The following CLDN10 variants were observed in gnomAD, a reference collection of about 807,000 sequenced individuals.
The protein encoded by CLDN10 is claudin 10, also known as claudin-10.
CLDN10 carries 15 observed loss-of-function variants against 22.9 expected under a neutral mutation model. The ratio of observed to expected loss-of-function variants is 0.65; its 90% CI spans 0.44 to 1.01. The LOEUF (loss-of-function observed/expected upper bound fraction) is 1.01. Ranked by LOEUF, CLDN10 falls within the 50% of genes least tolerant of loss-of-function variation. The pLI, the probability that CLDN10 is intolerant of heterozygous loss-of-function variation, is 0.00. For synonymous variants in CLDN10, 114 were observed against 111.4 expected (o/e 1.02, Z -0.15); for missense variants, 247 against 287.8 (o/e 0.86, Z 1.03).
chr13:95,477,882 G>A (rs549559069), intron 1 of CLDN10, among the ~76,000 whole-genome samples: 10 of 152,296 alleles, frequency 6.6e-5, no homozygotes, highest in East Asian at 3.9e-4. Flanking sequence ...CGTGTGGTTC[G>A]TTAGGGAGGC....
intron 3 of CLDN10, among the ~76,000 whole-genome samples, chr13:95,563,093 C>CCCCTCTCTCTCT (rs1319576476): frequency 1.3e-5 from 1 of 74,404 alleles, no homozygotes; most frequent in Non-Finnish European, 3.4e-5. Flanking sequence ...CTCTGCCTAC[C>CCCCTCTCTCTCT]CACTCTCTCT....
chr13:95,434,042 T>C (rs1461876248), exon 1 of CLDN10: 2 of 1,613,530 alleles, frequency 1.2e-6, no homozygotes, highest in Admixed American at 3.3e-5. Context: ...ATCTTCAAAG[T>C]AGCAGGTAAA....
At chr13:95,515,125 C>A (rs1294448303) in intron 1 of CLDN10, among the ~76,000 whole-genome samples, 1 of 152,168 alleles carries the variant, frequency 6.6e-6, no homozygotes, top group Non-Finnish European at 1.5e-5. Context: ...CCTATCTTAG[C>A]CTCCTGAGGA....
At chr13:95,481,477 G>A (rs1043203793) in intron 1 of CLDN10, among the ~76,000 whole-genome samples, 1 of 152,190 alleles carries the variant, frequency 6.6e-6, no homozygotes, top group Non-Finnish European at 1.5e-5. Flanking sequence ...ACCACAGAAT[G>A]AAGCAGCAAA....
At chr13:95,514,028 C>A (rs1247841929) in intron 1 of CLDN10, among the ~76,000 whole-genome samples, 1 of 152,030 alleles carries the variant, frequency 6.6e-6, no homozygotes, top group Non-Finnish European at 1.5e-5. Flanking sequence ...GAGGCCAAGA[C>A]GGGAGGATGG....
intron 1 of CLDN10, among the ~76,000 whole-genome samples, chr13:95,448,074 GA>G (rs1220291419): frequency 2.6e-5 from 4 of 152,106 alleles, no homozygotes; most frequent in Admixed American, 2.6e-4. Context: ...CCAGGATTAT[GA>G]AATAAACTTA....
intron 1 of CLDN10, among the ~76,000 whole-genome samples, chr13:95,499,424 C>A (rs370620679): frequency 2.6e-5 from 4 of 152,162 alleles, no homozygotes; most frequent in Admixed American, 2.6e-4. Flanking sequence ...CGCTTGTAAT[C>A]GCAGCTACTT....
chr13:95,533,743 A>T (rs2043370918), intron 1 of CLDN10: 1 of 152,294 alleles, frequency 6.6e-6, no homozygotes, highest in African/African-American at 2.4e-5. Flanking sequence ...GAATGAAGCA[A>T]AGGTCAGGCC....
chr13:95,449,832 CT>C (rs1461577760), intron 1 of CLDN10, among the ~76,000 whole-genome samples: 1 of 151,848 alleles, frequency 6.6e-6, no homozygotes, highest in Non-Finnish European at 1.5e-5. Flanking sequence ...CAAGCTCCGC[CT>C]CCCGGGTTCA....
chr13:95,473,037 G>T (rs112630073), intron 1 of CLDN10, among the ~76,000 whole-genome samples: 2,415 of 151,856 alleles, frequency 0.016, 72 homozygotes, highest in African/African-American at 0.055. Flanking sequence ...CTACTCAACA[G>T]GCTGAGGTAG....
At position 95,470,211 on chromosome 13, in the gene CLDN10, A is replaced by T. The variant is rs545143536; in HGVS notation, c.214+36164A>T. 2.6e-5 allele frequency among the ~76,000 whole-genome samples: 4 copies of T among 152,338 alleles called. No homozygotes were observed. The South Asian group carries it at 8.3e-4, about 32-fold the overall frequency. ...TGCACAGGGAATTCCTACAGAGGTCAAAGGATGGGACTTGATGACATCTGG... is the reference window on the plus strand; with the variant it reads ...TGCACAGGGAATTCCTACAGAGGTCTAAGGATGGGACTTGATGACATCTGG... On this transcript the variant is annotated intron_variant, in intron 1 of 4. Transcript: ENST00000376873.
chr13:95,443,480 C>T (rs909357574), intron 1 of CLDN10, among the ~76,000 whole-genome samples: 5 of 152,188 alleles, frequency 3.3e-5, no homozygotes, highest in Admixed American at 2.0e-4. Context: ...TCGTCGATCC[C>T]GAGAAGCGGG....
chr13:95,469,533 G>A (rs894587018), intron 1 of CLDN10, among the ~76,000 whole-genome samples: 8 of 152,144 alleles, frequency 5.3e-5, no homozygotes, highest in African/African-American at 7.2e-5. Context: ...TTTAATCACC[G>A]TAGTCTACAG....
At chr13:95,517,235 C>T (rs1231502606) in intron 1 of CLDN10, among the ~76,000 whole-genome samples, 1 of 151,524 alleles carries the variant, frequency 6.6e-6, no homozygotes, top group Non-Finnish European at 1.5e-5. Context: ...TTCTTTCTTC[C>T]TGACTTCCAT....
intron 1 of CLDN10, among the ~76,000 whole-genome samples, chr13:95,554,755 G>A (rs1349017691): frequency 6.6e-6 from 1 of 152,172 alleles, no homozygotes; most frequent in African/African-American, 2.4e-5. Context: ...TGTAACTGCT[G>A]CATGGTATAT....
intron 1 of CLDN10, among the ~76,000 whole-genome samples, chr13:95,480,994 A>G (rs1469344933): frequency 1.3e-5 from 2 of 152,174 alleles, no homozygotes; most frequent in African/African-American, 4.8e-5. Context: ...TTCCCACTTT[A>G]TGCCATGAGG....
chr13:95,517,141 T>C, intron 1 of CLDN10, among the ~76,000 whole-genome samples: 1 of 149,364 alleles, frequency 6.7e-6, no homozygotes, highest in African/African-American at 2.5e-5. Flanking sequence ...TCTCCCTTCC[T>C]CCCTTCTTTC....
intron 1 of CLDN10, among the ~76,000 whole-genome samples, chr13:95,507,855 T>C (rs893358685): frequency 6.6e-6 from 1 of 152,062 alleles, no homozygotes; most frequent in Non-Finnish European, 1.5e-5. Context: ...ACTCCCAACC[T>C]CAAGTGATCC....
intron 3 of CLDN10, among the ~76,000 whole-genome samples, chr13:95,565,954 C>T (rs962119148): frequency 7.2e-5 from 11 of 152,134 alleles, no homozygotes; most frequent in African/African-American, 2.2e-4. Flanking sequence ...AGGACATGAA[C>T]TCATCCTTTT....
Sources: allele counts gnomAD v4.1 joint callset (sites outside exome capture counted in the v4.1 genomes callset), GRCh38; gene constraint gnomAD v4.1.1; transcripts MANE v1.5; gene names NCBI Gene and HGNC (gene_info 2026-07-23, HGNC 2026-07-21).